The following SESTD1 variants were observed in gnomAD, a reference collection of about 807,000 sequenced individuals.
SESTD1 encodes SEC14 domain and spectrin repeat-containing protein 1.
In SESTD1, 43 loss-of-function variants were observed where a neutral mutation model predicts 101.7. That is an observed-to-expected ratio of 0.42 (90% CI 0.33 to 0.55). The LOEUF (loss-of-function observed/expected upper bound fraction) is 0.55, where lower values mean the gene tolerates loss of function less well. Among genes scored for constraint, SESTD1 ranks in the 20% least tolerant of loss-of-function variants. SESTD1 has a pLI of 0.07. For missense variants in SESTD1, 647 were observed against 815.1 expected (o/e 0.79, Z 2.51); for synonymous variants, 283 against 286.8 (o/e 0.99, Z 0.13).
intron 9 of SESTD1, among the ~76,000 whole-genome samples, chr2:179,140,024 A>G (rs979064716): frequency 2.6e-5 from 4 of 152,198 alleles, no homozygotes; most frequent in African/African-American, 9.7e-5. Context: ...TCGCTCTTAC[A>G]TTCTAAAGCG....
chr2:179,198,797 T>C (rs2046449492), intron 1 of SESTD1, among the ~76,000 whole-genome samples: 1 of 151,648 alleles, frequency 6.6e-6, no homozygotes, highest in Non-Finnish European at 1.5e-5. Context: ...CTGGGACGCA[T>C]TCAAAGCAGT....
chr2:179,138,604 A>G (rs879539), intron 9 of SESTD1, among the ~76,000 whole-genome samples: 8,454 of 152,250 alleles, frequency 0.056, 299 homozygotes, highest in South Asian at 0.09. Context: ...AAACTATCAC[A>G]AAGGACTGCA....
At position 179,146,970 on chromosome 2, in the gene SESTD1, C is replaced by T. The variant is rs113284453; in HGVS notation, c.582-513G>A. On this transcript the variant is annotated intron_variant, in intron 7 of 17. Coordinates refer to ENST00000428443, the MANE Select transcript of SESTD1 (RefSeq NM_178123.5). ...TAGCAGTTGTACTCTCTTCCCTAAT[C>T]ATACTTCTTGTGCAGCTGGACATCT... Among the ~76,000 whole-genome samples, 320 of 150,764 alleles carry T rather than the reference C, an allele frequency of 2.1e-3. 6 individuals carry two copies. The highest frequency in any genetic ancestry group is 7.4e-3 in the African/African-American group (306 of 41,128).
Position 179,183,204 on chromosome 2 carries a change from T to C in SESTD1, c.56-16A>G, listed in dbSNP as rs1338839163. ...TCTTTTCCTCCTATTAAAAAAGAGA[T>C]TTAAATTTAACATGTAATACATATT... On this transcript the variant is annotated splice_polypyrimidine_tract_variant and intron_variant, in intron 2 of 17. Coordinates refer to ENST00000428443, the MANE Select transcript of SESTD1 (RefSeq NM_178123.5). 1 of 1,542,286 alleles carries C rather than the reference T, an allele frequency of 6.5e-7. No homozygotes were observed. The highest frequency in any genetic ancestry group is 1.7e-5 in the Admixed American group (1 of 57,942).
intron 2 of SESTD1, among the ~76,000 whole-genome samples, chr2:179,187,697 A>G (rs1487817772): frequency 6.6e-6 from 1 of 152,170 alleles, no homozygotes; most frequent in East Asian, 1.9e-4. Flanking sequence ...TCTCACATGT[A>G]ATGACAATGA....
intron 15 of SESTD1, among the ~76,000 whole-genome samples, chr2:179,115,938 A>C (rs1042892767): frequency 3.9e-5 from 6 of 152,164 alleles, no homozygotes; most frequent in African/African-American, 1.4e-4. Flanking sequence ...TCCATATAGG[A>C]AACTACATCT....
chr2:179,219,719 T>C (rs1027806821), intron 1 of SESTD1, among the ~76,000 whole-genome samples: 9 of 152,240 alleles, frequency 5.9e-5, no homozygotes, highest in Admixed American at 4.6e-4. Context: ...TTATGTAATT[T>C]GTGTGTTATT....
intron 1 of SESTD1, among the ~76,000 whole-genome samples, chr2:179,239,389 C>A (rs1354810076): frequency 7.3e-6 from 1 of 136,404 alleles, no homozygotes; most frequent in Non-Finnish European, 1.6e-5. Context: ...GCAGGAAGTA[C>A]AAGGTTTTTT....
intron 5 of SESTD1, among the ~76,000 whole-genome samples, chr2:179,168,314 G>T (rs1368458748): frequency 1.3e-5 from 2 of 151,764 alleles, no homozygotes; most frequent in Middle Eastern, 3.2e-3. Flanking sequence ...TTATTTTATT[G>T]TAAGAATACA....
intron 5 of SESTD1, among the ~76,000 whole-genome samples, chr2:179,156,309 C>T (rs971339813): frequency 3.2e-4 from 49 of 152,116 alleles, no homozygotes; most frequent in African/African-American, 1.2e-3. Context: ...GTTCAAGTAT[C>T]TTTTTCGTAT....
At chr2:179,143,884 C>A in intron 8 of SESTD1, 81 bp from the exon 9 acceptor site, 1 of 1,457,210 alleles carries the variant, frequency 6.9e-7, no homozygotes, top group South Asian at 1.3e-5. Context: ...ATTCTAGTCC[C>A]TTGTTTTTAA....
intron 8 of SESTD1, among the ~76,000 whole-genome samples, chr2:179,145,136 G>T (rs1457242959): frequency 2.0e-5 from 3 of 151,892 alleles, no homozygotes; most frequent in Middle Eastern, 3.2e-3. Flanking sequence ...TGTTTTAAAG[G>T]TTTGTGCAAA....
In SESTD1 at chr2:179,109,713, C is replaced by T. The variant is rs77673142; in HGVS notation, c.*186G>A. On this transcript the variant is annotated 3_prime_UTR_variant, in exon 18 of 18. Transcript: ENST00000428443. ...TTAAGATACTTGGAATCTACAGCCT[C>T]GAAGCATGTTAAGTAATTATGCCTT... 76 of 653,568 alleles carry T rather than the reference C, an allele frequency of 1.2e-4. 1 individual carries two copies. In the East Asian group the frequency reaches 1.8e-3, roughly 15 times the overall value. The allele number at this position is 653,568 out of a possible 1,614,324, so 40.5% of individuals were successfully genotyped here.
intron 1 of SESTD1, among the ~76,000 whole-genome samples, chr2:179,230,540 G>A (rs2046972500): frequency 6.6e-6 from 1 of 151,922 alleles, no homozygotes; most frequent in Non-Finnish European, 1.5e-5. Flanking sequence ...ATAAATAAGA[G>A]AAAAGGTGAG....
At chr2:179,201,094 C>T (rs1264089757) in intron 1 of SESTD1, among the ~76,000 whole-genome samples, 1 of 134,060 alleles carries the variant, frequency 7.5e-6, no homozygotes, top group East Asian at 2.0e-4. Context: ...CAAACAACCC[C>T]ATCAAAAAGT....
chr2:179,127,605 G>GTT (rs2044904834), intron 10 of SESTD1, among the ~76,000 whole-genome samples: 1 of 152,226 alleles, frequency 6.6e-6, no homozygotes, highest in African/African-American at 2.4e-5. Flanking sequence ...ACTGCATGCA[G>GTT]TAAGTAGAAG....
chr2:179,197,368 A>C (rs1024625088), intron 1 of SESTD1, among the ~76,000 whole-genome samples: 6 of 152,348 alleles, frequency 3.9e-5, no homozygotes, highest in African/African-American at 1.4e-4. Flanking sequence ...GAATGGAACC[A>C]AGTTGGAAAA....
rs190595849 is a variant in SESTD1, at chr2:179,216,735, C to G, written c.-25-24869G>C. Among the ~76,000 whole-genome samples, 39 of 135,050 alleles carry G rather than the reference C, an allele frequency of 2.9e-4. 8 individuals carry two copies. Among genetic ancestry groups the G allele is most frequent in the African/African-American group, 9.9e-4 (34 of 34,238 alleles). 88.6% of individuals were successfully genotyped at this position (135,050 alleles called of 152,430 possible). ...TCATGTTACCAGACTTCAAACTATA[C>G]TACAAGTCTACAGTAACCAAAACAG... On this transcript the variant is annotated intron_variant, in intron 1 of 17. Transcript: ENST00000428443.
chr2:179,143,537 A>G, intron 9 of SESTD1, 55 bp downstream of exon 9: 1 of 1,488,554 alleles, frequency 6.7e-7, no homozygotes, highest in African/African-American at 1.4e-5. Context: ...TCAGTCACAT[A>G]GTAGAAATTA....
Sources: allele counts gnomAD v4.1 joint callset (sites outside exome capture counted in the v4.1 genomes callset), GRCh38; gene constraint gnomAD v4.1.1; transcripts MANE v1.5; gene names NCBI Gene and HGNC (gene_info 2026-07-23, HGNC 2026-07-21).